Variants in FBXO34 observed in about 807,000 individuals in gnomAD.
The protein encoded by FBXO34 is F-box protein 34.
In FBXO34, 12 loss-of-function variants were observed where a neutral mutation model predicts 24.5. That is an observed-to-expected ratio of 0.49 (90% CI 0.31 to 0.79). FBXO34 has a LOEUF of 0.79. Ranked by LOEUF, FBXO34 falls within the 30% of genes least tolerant of loss-of-function variation. The pLI is 0.04. For synonymous variants in FBXO34, 320 were observed against 311.9 expected, an observed-to-expected ratio of 1.03 and a Z score of -0.27; for missense variants, 823 against 857.7, an observed-to-expected ratio of 0.96 and a Z score of 0.51.
intron 1 of FBXO34, among the ~76,000 whole-genome samples, chr14:55,302,461 T>C (rs890179669): frequency 1.4e-4 from 21 of 150,978 alleles, no homozygotes; most frequent in African/African-American, 5.1e-4. Flanking sequence ...TTGTTTTTTT[T>C]TTTTTTTTTA....
At chr14:55,332,779 C>T (rs1487171756) in intron 1 of FBXO34, among the ~76,000 whole-genome samples, 2 of 152,124 alleles carry the variant, frequency 1.3e-5, no homozygotes, top group African/African-American at 4.8e-5. Context: ...TGATCTTCAG[C>T]AAGTTTCACT....
At chr14:55,281,160 A>C (rs958303065) in intron 1 of FBXO34, among the ~76,000 whole-genome samples, 2 of 151,068 alleles carry the variant, frequency 1.3e-5, no homozygotes, top group South Asian at 4.2e-4. Context: ...AGGCTGAGGC[A>C]GGAGAATCTC....
chr14:55,305,222 C>A (rs2139724132), intron 1 of FBXO34, among the ~76,000 whole-genome samples: 1 of 152,200 alleles, frequency 6.6e-6, no homozygotes, highest in African/African-American at 2.4e-5. Flanking sequence ...GCCATCCTGG[C>A]CAACATGGGT....
chr14:55,323,102 G>T (rs1337427699), intron 1 of FBXO34, among the ~76,000 whole-genome samples: 1 of 135,858 alleles, frequency 7.4e-6, no homozygotes, highest in Non-Finnish European at 1.5e-5. Context: ...GGAGAATGGC[G>T]TGAACCCGGG....
the FBXO34 span, among the ~76,000 whole-genome samples, chr14:55,392,017 CACCAGGG>C: frequency 6.6e-6 from 1 of 152,130 alleles, no homozygotes; most frequent in African/African-American, 2.4e-5. Context: ...ACTTTTTTGG[CACCAGGG>C]ACCAGTTTTG....
the FBXO34 span, among the ~76,000 whole-genome samples, chr14:55,437,411 G>A: frequency 6.6e-6 from 1 of 152,260 alleles, no homozygotes; most frequent in Non-Finnish European, 1.5e-5. Context: ...CTGGGAGGCA[G>A]AGGTTGCAGT....
chr14:55,400,211 A>C, the FBXO34 span, among the ~76,000 whole-genome samples: 1 of 152,216 alleles, frequency 6.6e-6, no homozygotes, highest in Non-Finnish European at 1.5e-5. Flanking sequence ...AGAAGGAGAT[A>C]AAAAATTCAT....
At chr14:55,391,486 AAAAAG>A in the FBXO34 span, among the ~76,000 whole-genome samples, 1 of 152,012 alleles carries the variant, frequency 6.6e-6, no homozygotes, top group Non-Finnish European at 1.5e-5. Flanking sequence ...AAAAAAAAAA[AAAAAG>A]GAAAGGGAAA....
chr14:55,319,688 C>CT (rs1883060162), intron 1 of FBXO34, among the ~76,000 whole-genome samples: 1 of 152,126 alleles, frequency 6.6e-6, no homozygotes, highest in East Asian at 1.9e-4. Flanking sequence ...CCTGAACTTT[C>CT]TTTTTTTAGA....
chr14:55,389,800 A>T, the FBXO34 span, among the ~76,000 whole-genome samples: 1 of 152,260 alleles, frequency 6.6e-6, no homozygotes, highest in African/African-American at 2.4e-5. Flanking sequence ...ATGATGTTAC[A>T]TTAGGATTAG....
chr14:55,382,047 T>C, the FBXO34 span: 3 of 1,614,064 alleles, frequency 1.9e-6, no homozygotes, highest in African/African-American at 1.3e-5. Context: ...TCCAAGGCCC[T>C]GTAATGCTAA....
the FBXO34 span, among the ~76,000 whole-genome samples, chr14:55,432,027 A>G: frequency 1.3e-5 from 2 of 152,214 alleles, no homozygotes; most frequent in Non-Finnish European, 2.9e-5. Flanking sequence ...ACTGTGCACA[A>G]ATGCCTTAAG....
At chr14:55,418,926 AT>A in the FBXO34 span, among the ~76,000 whole-genome samples, 1 of 152,204 alleles carries the variant, frequency 6.6e-6, no homozygotes, top group African/African-American at 2.4e-5. Context: ...GGTCACTTGC[AT>A]TTTGCATATA....
chr14:55,381,738 G>A, the FBXO34 span, among the ~76,000 whole-genome samples: 1 of 152,192 alleles, frequency 6.6e-6, no homozygotes, highest in African/African-American at 2.4e-5. Context: ...GTTGCCAGGA[G>A]CTGAGGGGAA....
the FBXO34 span, among the ~76,000 whole-genome samples, chr14:55,387,200 C>A: frequency 1.3e-5 from 2 of 152,154 alleles, no homozygotes; most frequent in African/African-American, 2.4e-5. Flanking sequence ...ACAGAGCAAA[C>A]CCCTCAGCCT....
chr14:55,335,331 T>C (rs1325820066), intron 1 of FBXO34: 1 of 152,198 alleles, frequency 6.6e-6, no homozygotes, highest in Non-Finnish European at 1.5e-5. Context: ...CTTAAGGAGT[T>C]GATGGTAGGT....
At chr14:55,369,667 T>C (rs1382003503), downstream of FBXO34, 2 of 1,574,066 alleles carry the variant, frequency 1.3e-6, no homozygotes, top group East Asian at 2.3e-5. Flanking sequence ...CCGAGGCTGC[T>C]GCAGAGGAGA....
In FBXO34 at chr14:55,351,611, G is replaced by A. The variant is rs1308923014; in HGVS notation, c.1221G>A (p.Met407Ile). The A allele has an allele frequency of 1.2e-6, 2 of 1,614,234 alleles. No homozygotes were observed. The highest frequency in any genetic ancestry group is 1.7e-6 in the Non-Finnish European group (2 of 1,180,032). Residue 407 changes from methionine (M) to isoleucine (I), a missense_variant, in exon 2 of 2, where the codon ATG becomes ATA. Physicochemically the swap from Met to Ile is conservative, Grantham distance 10. Coordinates refer to ENST00000313833, the MANE Select transcript of FBXO34 (RefSeq NM_017943.4). ...VKNSNRYDVE[M>I]TDELVGLPFS... Reference sequence around the variant, plus strand: ...ACAGCAACAGATATGATGTGGAAATGACAGATGAACTCGTTGGGTTACCTT... The same window carrying A: ...ACAGCAACAGATATGATGTGGAAATAACAGATGAACTCGTTGGGTTACCTT...
At chr14:55,378,035 AG>A in the FBXO34 span, 1 of 1,613,180 alleles carries the variant, frequency 6.2e-7, no homozygotes, top group Non-Finnish European at 8.5e-7. Flanking sequence ...TCACTGCTCG[AG>A]TAAATTTCTG....
Sources: gnomAD v4.1 joint callset for allele counts (sites outside exome capture counted in the v4.1 genomes callset) on GRCh38, gnomAD v4.1.1 for gene constraint, MANE v1.5 for transcripts, NCBI Gene and HGNC (gene_info 2026-07-23, HGNC 2026-07-21) for gene names.